The following RTN4 variants were observed in gnomAD, a reference collection of about 807,000 sequenced individuals.
The protein encoded by RTN4 is reticulon 4.
A neutral mutation model predicts 90.4 loss-of-function variants in RTN4; 32 were observed. The observed-to-expected ratio is 0.35, with a 90% CI of 0.27 to 0.48. RTN4 has a LOEUF of 0.48. RTN4 is among the 20% of genes least tolerant of loss of function. The pLI is 0.99. For missense variants in RTN4, 1,706 were observed against 1,430.2 expected (o/e 1.19, Z -3.11); for synonymous variants, 629 against 552.5 (o/e 1.14, Z -1.94).
chr2:55,008,954 A>G (rs56765183), intron 3 of RTN4, among the ~76,000 whole-genome samples: 1,889 of 152,310 alleles, frequency 0.012, 40 homozygotes, highest in African/African-American at 0.04. Flanking sequence ...ATTCACATGT[A>G]AAGAAATCCT....
intron 2 of RTN4, among the ~76,000 whole-genome samples, chr2:55,057,245 A>G (rs1192520254): frequency 6.6e-6 from 1 of 152,268 alleles, no homozygotes; most frequent in East Asian, 1.9e-4. Flanking sequence ...ATAGGGAAGA[A>G]ATCAGTGGGT....
chr2:55,040,589 T>C (rs917389529), intron 1 of RTN4, among the ~76,000 whole-genome samples: 1 of 152,184 alleles, frequency 6.6e-6, no homozygotes, highest in Non-Finnish European at 1.5e-5. Context: ...AATCCTTAAG[T>C]AAGCTTCTCT....
upstream of RTN4, among the ~76,000 whole-genome samples, chr2:55,054,605 C>G (rs1435249195): frequency 6.6e-6 from 1 of 152,150 alleles, no homozygotes; most frequent in Non-Finnish European, 1.5e-5. Context: ...TGGGTATACT[C>G]TTGCCTACAT....
chr2:55,118,135 G>A, the RTN4 span, among the ~76,000 whole-genome samples: 3 of 152,144 alleles, frequency 2.0e-5, no homozygotes, highest in East Asian at 1.9e-4. Context: ...GGATAGCACC[G>A]ATCTAGTCTA....
chr2:55,037,198 ACTGAAACACACTG>A (rs1682750348), intron 1 of RTN4, among the ~76,000 whole-genome samples: 2 of 152,358 alleles, frequency 1.3e-5, no homozygotes, highest in African/African-American at 4.8e-5. Context: ...AAACTGCTAT[ACTGAAACACACTG>A]CTGAGAGAAA....
chr2:55,044,190 G>C (rs1683261651), intron 1 of RTN4, among the ~76,000 whole-genome samples: 1 of 152,070 alleles, frequency 6.6e-6, no homozygotes, highest in African/African-American at 2.4e-5. Context: ...GCAAGACCCT[G>C]TCTCCAAAAT....
chr2:55,027,780 G>C (rs1163506750), intron 2 of RTN4, among the ~76,000 whole-genome samples: 1 of 152,162 alleles, frequency 6.6e-6, no homozygotes, highest in African/African-American at 2.4e-5. Flanking sequence ...TAGTTTTAGA[G>C]AAGAGAAGAA....
chr2:55,070,959 T>G lies in RTN4; in HGVS notation c.-63+9530A>C, dbSNP rs996203367. 2.0e-4 allele frequency among the ~76,000 whole-genome samples: 31 copies of G among 151,856 alleles called. No homozygotes were observed. In the East Asian group the frequency reaches 5.4e-3, roughly 27 times the overall value. ...GCCTGGCTAATTTTTTGTATTTTTA[T>G]TAGAGATGGGGTTTCACTGTGTTAG... On this transcript the variant is annotated intron_variant, in intron 2 of 3. Coordinates refer to the RTN4 transcript ENST00000427710.
intron 5 of RTN4, among the ~76,000 whole-genome samples, chr2:54,979,773 A>C (rs914053879): frequency 3.9e-5 from 6 of 152,152 alleles, no homozygotes; most frequent in African/African-American, 2.4e-5. Context: ...AGATTTTGAG[A>C]TCTAAATGCC....
intron 1 of RTN4, among the ~76,000 whole-genome samples, chr2:55,099,427 C>T (rs935545764): frequency 6.6e-6 from 1 of 152,076 alleles, no homozygotes; most frequent in Non-Finnish European, 1.5e-5. Context: ...GAGAATGACC[C>T]TGTAGTCCTC....
chr2:55,028,268 A>C, intron 1 of RTN4, 48 bp from the exon 2 acceptor site: 1 of 1,530,422 alleles, frequency 6.5e-7, no homozygotes, highest in South Asian at 1.2e-5. Context: ...AGACAGATTG[A>C]AAGGAGACTA....
chr2:54,987,907 C>T (rs1046329097), intron 3 of RTN4, among the ~76,000 whole-genome samples: 16 of 152,258 alleles, frequency 1.1e-4, no homozygotes, highest in Middle Eastern at 3.4e-3. Context: ...TTTTTGACCA[C>T]GAAATGTTTT....
At chr2:55,112,130 G>T (rs576699104) in intron 1 of RTN4, among the ~76,000 whole-genome samples, 13 of 152,280 alleles carry the variant, frequency 8.5e-5, no homozygotes, top group African/African-American at 2.2e-4. Context: ...GGCCCCCTGT[G>T]GGGGAGCGTG....
At chr2:54,996,106 T>A in intron 3 of RTN4, among the ~76,000 whole-genome samples, 1 of 152,326 alleles carries the variant, frequency 6.6e-6, no homozygotes, top group South Asian at 2.1e-4. Flanking sequence ...ATAATTCCAT[T>A]TGTAATAGCA....
At chr2:55,089,817 C>A (rs1179564362) in intron 1 of RTN4, among the ~76,000 whole-genome samples, 2 of 152,170 alleles carry the variant, frequency 1.3e-5, no homozygotes, top group African/African-American at 4.8e-5. Context: ...TTATTCCTCT[C>A]CTTGTCACTG....
chr2:54,973,065 C>G lies in RTN4; in HGVS notation c.*91G>C. The G allele has an allele frequency of 9.6e-7, 1 of 1,038,096 alleles. No individual in the cohort carries two copies. The highest frequency in any genetic ancestry group is 1.5e-5 in the South Asian group (1 of 68,338). The allele number at this position is 1,038,096 out of a possible 1,614,324, so 64.3% of individuals were successfully genotyped here. A position where few individuals can be genotyped will look rare whatever the true frequency, so the allele number is the denominator to read the frequency against. The stretch of plus-strand genomic sequence containing the variant: ...AACGATCTGTGAAACTGCACTGCAA[C>G]GTCAAGGTTCGTTCTTCCCTGACCC... On this transcript the variant is annotated 3_prime_UTR_variant, in exon 9 of 9. Coordinates refer to ENST00000337526, the MANE Select transcript of RTN4 (RefSeq NM_020532.5).
chr2:55,075,097 G>T (rs1288836348), intron 2 of RTN4, among the ~76,000 whole-genome samples: 2 of 152,144 alleles, frequency 1.3e-5, no homozygotes, highest in East Asian at 1.9e-4. Context: ...AAAAGAGAAA[G>T]AAATAAAAGG....
chr2:55,023,692 AT>A (rs1385055307), intron 3 of RTN4, among the ~76,000 whole-genome samples: 2 of 151,908 alleles, frequency 1.3e-5, no homozygotes, highest in Non-Finnish European at 2.9e-5. Flanking sequence ...TAATATTTTA[AT>A]TTTTCTCCAA....
chr2:55,021,829 C>T lies in RTN4; in HGVS notation c.3013+3257G>A, dbSNP rs114567396. On this transcript the variant is annotated intron_variant, in intron 3 of 8. Transcript: ENST00000337526. The stretch of plus-strand genomic sequence containing the variant: ...ATTATAGCAATACTGGGTTTCCTTC[C>T]CACAACTTTTGTAGAATATATATAT... Among the ~76,000 whole-genome samples, 1,207 of 152,246 alleles carry T rather than the reference C, an allele frequency of 7.9e-3. 11 individuals are homozygous for T. The highest frequency in any genetic ancestry group is 0.041 in the Middle Eastern group (12 of 294).
Sources: allele counts gnomAD v4.1 joint callset (sites outside exome capture counted in the v4.1 genomes callset), GRCh38; gene constraint gnomAD v4.1.1; transcripts MANE v1.5; gene names NCBI Gene and HGNC (gene_info 2026-07-23, HGNC 2026-07-21).